The following GALNT13 variants were observed in gnomAD, a reference collection of about 807,000 sequenced individuals.
The protein encoded by GALNT13 is polypeptide N-acetylgalactosaminyltransferase 13, also known as UDP-GalNAc:polypeptide N-acetylgalactosaminyltransferase 13.
In GALNT13, 28 loss-of-function variants were observed where a neutral mutation model predicts 64.2. The ratio of observed to expected loss-of-function variants is 0.44; its 90% CI spans 0.32 to 0.60. The LOEUF (loss-of-function observed/expected upper bound fraction) is 0.60, where lower values mean the gene tolerates loss of function less well. Ranked by LOEUF, GALNT13 falls within the 20% of genes least tolerant of loss-of-function variation. The pLI is 0.05. For synonymous variants in GALNT13, 214 were observed against 224.6 expected (o/e 0.95, Z 0.42); for missense variants, 577 against 669.8 (o/e 0.86, Z 1.53).
intron 2 of GALNT13, among the ~76,000 whole-genome samples, chr2:153,904,421 A>G (rs1391793557): frequency 6.6e-6 from 1 of 151,964 alleles, no homozygotes; most frequent in African/African-American, 2.4e-5. Context: ...TTCCAAAGTA[A>G]CTATACTAAT....
chr2:153,228,013 A>G, the GALNT13 span, among the ~76,000 whole-genome samples: 1 of 152,224 alleles, frequency 6.6e-6, no homozygotes, highest in East Asian at 1.9e-4. Flanking sequence ...TATAAGTTGG[A>G]TCTGGATATG....
rs570599396 is a variant in GALNT13, at chr2:153,896,074, A to C, written c.-176-4862A>C. On this transcript the variant is annotated intron_variant, in intron 1 of 12. Coordinates refer to ENST00000392825, the MANE Select transcript of GALNT13 (RefSeq NM_052917.4). ...ATAGTTGTTTCTGGAATTAAGGATG[A>C]TTTTATATTTTTATGTTTTTTCCTA... 1.3e-3 allele frequency among the ~76,000 whole-genome samples: 181 copies of C among 141,452 alleles called. 9 individuals carry two copies. The highest frequency in any genetic ancestry group is 4.1e-3 in the Admixed American group (58 of 14,090). 92.8% of individuals were successfully genotyped at this position (141,452 alleles called of 152,430 possible).
chr2:153,271,164 T>C, the GALNT13 span, among the ~76,000 whole-genome samples: 1 of 152,148 alleles, frequency 6.6e-6, no homozygotes, highest in Admixed American at 6.5e-5. Context: ...GCAAATATCA[T>C]ACTGAATGGG....
chr2:153,110,050 T>C, the GALNT13 span, among the ~76,000 whole-genome samples: 1 of 152,246 alleles, frequency 6.6e-6, no homozygotes, highest in African/African-American at 2.4e-5. Flanking sequence ...TAAAAATTCA[T>C]TTTCAACAGA....
At chr2:153,340,085 C>G in the GALNT13 span, among the ~76,000 whole-genome samples, 17 of 152,074 alleles carry the variant, frequency 1.1e-4, no homozygotes, top group South Asian at 3.3e-3. Flanking sequence ...TATTTTGGGT[C>G]CTTTGTAGTT....
At chr2:153,369,356 A>T in the GALNT13 span, among the ~76,000 whole-genome samples, 1 of 152,166 alleles carries the variant, frequency 6.6e-6, no homozygotes, top group Non-Finnish European at 1.5e-5. Flanking sequence ...AAAAAAATCG[A>T]TGAAACCAAA....
intron 4 of GALNT13, among the ~76,000 whole-genome samples, chr2:154,187,341 GTGAA>G (rs1383411891): frequency 1.3e-5 from 2 of 148,516 alleles, no homozygotes; most frequent in Non-Finnish European, 3.0e-5. Flanking sequence ...GAACAGTTAA[GTGAA>G]TGAGTAAGAA....
the GALNT13 span, among the ~76,000 whole-genome samples, chr2:153,521,171 CT>C: frequency 6.6e-6 from 1 of 152,134 alleles, no homozygotes; most frequent in African/African-American, 2.4e-5. Context: ...CATAGTCCTT[CT>C]TCTGAAGAGC....
intron 3 of GALNT13, among the ~76,000 whole-genome samples, chr2:154,061,967 A>T (rs1436339041): frequency 6.6e-6 from 1 of 152,192 alleles, no homozygotes; most frequent in African/African-American, 2.4e-5. Flanking sequence ...GATATATGAA[A>T]CACAGTTTGA....
intron 1 of GALNT13, among the ~76,000 whole-genome samples, chr2:153,883,911 C>G (rs1010047562): frequency 6.6e-6 from 1 of 151,804 alleles, no homozygotes; most frequent in Admixed American, 6.6e-5. Flanking sequence ...GTCAATCTTA[C>G]TTAAAATGTG....
At chr2:154,075,115 T>G (rs1302693631) in intron 3 of GALNT13, among the ~76,000 whole-genome samples, 1 of 151,878 alleles carries the variant, frequency 6.6e-6, no homozygotes, top group Non-Finnish European at 1.5e-5. Flanking sequence ...AAGCTATCTC[T>G]CTTCATGGAT....
intron 3 of GALNT13, among the ~76,000 whole-genome samples, chr2:153,995,121 A>G (rs1233784724): frequency 6.6e-6 from 1 of 152,040 alleles, no homozygotes; most frequent in Admixed American, 6.6e-5. Flanking sequence ...GAAACAATTA[A>G]TTAGATTAGA....
chr2:154,171,146 A>T (rs1311484987), intron 4 of GALNT13, among the ~76,000 whole-genome samples: 3 of 152,134 alleles, frequency 2.0e-5, no homozygotes, highest in Non-Finnish European at 4.4e-5. Flanking sequence ...GAGGTTAGGA[A>T]TATTTTTCAG....
chr2:154,359,554 T>TA (rs1412111280), intron 9 of GALNT13, among the ~76,000 whole-genome samples: 1 of 152,142 alleles, frequency 6.6e-6, no homozygotes, highest in Admixed American at 6.6e-5. Context: ...AGGTGAGACT[T>TA]ACGGTCATCT....
In GALNT13 at chr2:154,421,695, A is replaced by T. The variant is rs182600051; in HGVS notation, c.1395+12613A>T. On this transcript the variant is annotated intron_variant, in intron 11 of 12. Transcript: ENST00000392825. ...TTGCACAAGAAATACGTTTTCTAGG[A>T]TTTTATTGCATTCTACACTAATTTG... Among the ~76,000 whole-genome samples, 423 of 152,144 alleles carry T rather than the reference A, an allele frequency of 2.8e-3. 3 individuals are homozygous for T. Among genetic ancestry groups the T allele is most frequent in the African/African-American group, 9.7e-3 (403 of 41,540 alleles).
the GALNT13 span, among the ~76,000 whole-genome samples, chr2:153,597,026 A>C: frequency 6.6e-6 from 1 of 152,158 alleles, no homozygotes. Flanking sequence ...TGCTATGCAC[A>C]GGACAAAAAT....
intron 3 of GALNT13, among the ~76,000 whole-genome samples, chr2:154,052,266 G>A (rs1254101859): frequency 6.6e-6 from 1 of 152,026 alleles, no homozygotes. Context: ...TCATAACCAA[G>A]GTACTATGCT....
the GALNT13 span, among the ~76,000 whole-genome samples, chr2:153,668,571 T>C: frequency 1.3e-5 from 2 of 151,370 alleles, no homozygotes; most frequent in African/African-American, 4.9e-5. Context: ...AAGGAGGACA[T>C]TGAGAGTGGA....
chr2:153,884,918 A>T (rs1197283158), intron 1 of GALNT13, among the ~76,000 whole-genome samples: 1 of 143,756 alleles, frequency 7.0e-6, no homozygotes. Flanking sequence ...ACGCACTTCT[A>T]GTCCCAGCTA....
Sources: gnomAD v4.1 joint callset for allele counts (sites outside exome capture counted in the v4.1 genomes callset) on GRCh38, gnomAD v4.1.1 for gene constraint, MANE v1.5 for transcripts, NCBI Gene and HGNC (gene_info 2026-07-23, HGNC 2026-07-21) for gene names.